LOXHD1: variants seen among roughly 807,000 people sequenced by gnomAD.
The protein encoded by LOXHD1 is lipoxygenase homology PLAT domains 1, also known as lipoxygenase homology domain-containing protein 1.
In LOXHD1, 205 loss-of-function variants were observed where a neutral mutation model predicts 248.2. That is an observed-to-expected ratio of 0.83 (90% CI 0.74 to 0.93). The LOEUF is 0.93. Among genes scored for constraint, LOXHD1 ranks in the 40% least tolerant of loss-of-function variants. The pLI is 0.00. For missense variants in LOXHD1, 2,930 were observed against 2,971.6 expected (o/e 0.99, Z 0.33); for synonymous variants, 1,113 against 1,162.8 (o/e 0.96, Z 0.87).
At chr18:46,602,912 C>T (rs1317408243) in intron 7 of LOXHD1, among the ~76,000 whole-genome samples, 1 of 152,162 alleles carries the variant, frequency 6.6e-6, no homozygotes, top group African/African-American at 2.4e-5. Context: ...TCTTCTTCTA[C>T]CACTAGGAGA....
Position 46,546,938 on chromosome 18 carries a change from GC to G in LOXHD1, c.3470del (p.Gly1157AlafsTer23). Reference protein sequence around the residue: ...VLPQSEEGRGGGDNNPLDNLA... With the variant: ...VLPQSEEGRGXGDNNPLDNLA... ...GGTTGTCGAGGGGGTTGTTGTCACC[GC>G]CTCCCCTACCCTCCTCGCTCTGTGG... On this transcript the variant is annotated frameshift_variant, in exon 22 of 41. Transcript: ENST00000642948. LOFTEE classifies it high-confidence loss of function. 6.4e-7 allele frequency: 1 copy of G among 1,551,418 alleles called. No homozygotes were observed.
intron 14 of LOXHD1, among the ~76,000 whole-genome samples, chr18:46,573,994 C>T (rs1193379886): frequency 6.6e-6 from 1 of 152,046 alleles, no homozygotes. Context: ...TAACAGCCTC[C>T]CACTCCATCT....
intron 4 of LOXHD1, among the ~76,000 whole-genome samples, chr18:46,631,110 A>G (rs2038814960): frequency 1.3e-5 from 2 of 152,152 alleles, no homozygotes; most frequent in Non-Finnish European, 2.9e-5. Context: ...ACGTTCATAC[A>G]AGCCCCTAAG....
At chr18:46,611,659 T>C (rs2038510348) in intron 5 of LOXHD1, among the ~76,000 whole-genome samples, 1 of 152,112 alleles carries the variant, frequency 6.6e-6, no homozygotes, top group Non-Finnish European at 1.5e-5. Context: ...GTTGTGACAG[T>C]TCAAACATAC....
chr18:46,605,586 A>C lies in LOXHD1; in HGVS notation c.760-1357T>G, dbSNP rs182341946. 8.5e-5 allele frequency among the ~76,000 whole-genome samples: 13 copies of C among 152,336 alleles called. No homozygotes were observed. In the East Asian group the frequency reaches 1.9e-3, roughly 23 times the overall value. ...TGCATCTCTTGCATAAAATGCAACC[A>C]ACTGGTATCAAAGACTCAGGCAATA... On this transcript the variant is annotated intron_variant, in intron 6 of 40. Coordinates refer to ENST00000642948, the MANE Select transcript of LOXHD1 (RefSeq NM_001384474.1).
chr18:46,609,788 G>T (rs75924413), intron 6 of LOXHD1, among the ~76,000 whole-genome samples: 3,566 of 152,208 alleles, frequency 0.023, 131 homozygotes, highest in East Asian at 0.073. Flanking sequence ...GGTTTAAAAT[G>T]ACAGGAAACA....
chr18:46,530,756 TC>T (rs2036029814), intron 28 of LOXHD1, among the ~76,000 whole-genome samples: 1 of 152,126 alleles, frequency 6.6e-6, no homozygotes, highest in African/African-American at 2.4e-5. Context: ...TTTCTTATTT[TC>T]CCCTGGGTTC....
At chr18:46,639,577 C>A in intron 4 of LOXHD1, 39 bp downstream of exon 4, 1 of 1,531,942 alleles carries the variant, frequency 6.5e-7, no homozygotes, top group Non-Finnish European at 8.8e-7. Context: ...CCCAGCCCAG[C>A]TAGGGAGGGA....
At position 46,624,363 on chromosome 18, in the gene LOXHD1, C is replaced by T. The variant is rs116572825; in HGVS notation, c.512-6073G>A. ...GGGAGATGAGGGGGAATGTTCTCTC[C>T]CAGCCAGGGAAGGCCCCCTCACTAC... On this transcript the variant is annotated intron_variant, in intron 4 of 40. Transcript: ENST00000642948. Among the ~76,000 whole-genome samples the T allele has an allele frequency of 2.0e-3, 297 of 152,296 alleles. 3 individuals carry two copies. Among genetic ancestry groups the T allele is most frequent in the African/African-American group, 7.0e-3 (291 of 41,562 alleles).
intron 12 of LOXHD1, among the ~76,000 whole-genome samples, chr18:46,581,836 T>G (rs1248150974): frequency 6.6e-6 from 1 of 152,174 alleles, no homozygotes. Context: ...TAAGGGATGC[T>G]CAATACAATT....
At chr18:46,634,484 T>A (rs1294909058) in intron 4 of LOXHD1, among the ~76,000 whole-genome samples, 2 of 152,198 alleles carry the variant, frequency 1.3e-5, no homozygotes, top group Non-Finnish European at 2.9e-5. Context: ...AGGTCACAGA[T>A]GAAATGCTGT....
At chr18:46,560,048 T>TGCCCG in intron 19 of LOXHD1, 35 bp downstream of exon 19, 1 of 1,226,298 alleles carries the variant, frequency 8.2e-7, no homozygotes, top group Non-Finnish European at 1.1e-6. Context: ...GTCTGGCCAC[T>TGCCCG]CCCTCCCCAC....
At chr18:46,594,501 A>G in intron 8 of LOXHD1, 35 bp from the exon 9 acceptor site, 2 of 1,550,270 alleles carry the variant, frequency 1.3e-6, no homozygotes, top group Non-Finnish European at 1.7e-6. Context: ...TCCGGCATTG[A>G]GTCTCCAGTA....
chr18:46,630,641 C>A (rs1469475611), intron 4 of LOXHD1, among the ~76,000 whole-genome samples: 2 of 152,160 alleles, frequency 1.3e-5, no homozygotes, highest in Non-Finnish European at 2.9e-5. Context: ...CCAGGGCTTC[C>A]CTGAAGTCAA....
intron 4 of LOXHD1, among the ~76,000 whole-genome samples, chr18:46,622,791 C>CTGAT (rs1599056682): frequency 6.6e-6 from 1 of 152,342 alleles, no homozygotes; most frequent in East Asian, 1.9e-4. Flanking sequence ...TGGCAGTCCA[C>CTGAT]TGATAGAAGA....
intron 17 of LOXHD1, 118 bp downstream of exon 17, chr18:46,566,139 G>A (rs1299842578): frequency 6.1e-6 from 7 of 1,145,382 alleles, no homozygotes; most frequent in Non-Finnish European, 8.5e-6. Flanking sequence ...CTCCCTGCAG[G>A]ACCCTACCAG....
chr18:46,484,253 A>G (rs752340655), intron 39 of LOXHD1, among the ~76,000 whole-genome samples: 3 of 152,048 alleles, frequency 2.0e-5, no homozygotes, highest in Non-Finnish European at 4.4e-5. Context: ...TAGAGATTTG[A>G]AGAAAAGGTT....
chr18:46,516,833 C>T (rs1216217556), intron 34 of LOXHD1, among the ~76,000 whole-genome samples: 1 of 151,932 alleles, frequency 6.6e-6, no homozygotes, highest in Non-Finnish European at 1.5e-5. Flanking sequence ...ATCATCCCTA[C>T]CATCATCAAC....
At chr18:46,505,449 C>T (rs1057315724) in intron 37 of LOXHD1, among the ~76,000 whole-genome samples, 4 of 152,166 alleles carry the variant, frequency 2.6e-5, no homozygotes, top group Non-Finnish European at 5.9e-5. Context: ...TCCCAAAGTT[C>T]TGGGATTACA....
Sources: gnomAD v4.1 joint callset for allele counts (sites outside exome capture counted in the v4.1 genomes callset) on GRCh38, gnomAD v4.1.1 for gene constraint, MANE v1.5 for transcripts, NCBI Gene and HGNC (gene_info 2026-07-23, HGNC 2026-07-21) for gene names.